Variants in GABRA3 observed in about 807,000 individuals in gnomAD.
GABRA3 encodes gamma-aminobutyric acid receptor subunit alpha-3.
GABRA3 carries 10 observed loss-of-function variants against 30.1 expected under a neutral mutation model. That is an observed-to-expected ratio of 0.33 (90% confidence interval 0.20 to 0.56). The LOEUF is 0.56. Ranked by LOEUF, GABRA3 falls within the 20% of genes least tolerant of loss-of-function variation. The pLI is 0.89. For missense variants in GABRA3, 233 were observed against 392.0 expected (o/e 0.59, Z 3.42); for synonymous variants, 151 against 146.8 (o/e 1.03, Z -0.21).
At chrX:152,359,500 G>T (rs1928419117) in intron 2 of GABRA3, among the ~76,000 whole-genome samples, 1 of 110,470 alleles carries the variant, frequency 9.1e-6, no homozygotes, top group Admixed American at 9.7e-5. Context: ...TTCTTTCAAA[G>T]AACACACTCC....
chrX:152,429,710 C>T (rs944992076), intron 1 of GABRA3, among the ~76,000 whole-genome samples: 5 of 112,053 alleles, frequency 4.5e-5, no homozygotes, highest in African/African-American at 1.6e-4. Flanking sequence ...AACTTCTTCA[C>T]ACTCCTGTCT....
chrX:152,375,238 A>T (rs878928294), intron 1 of GABRA3, among the ~76,000 whole-genome samples: 1 of 112,091 alleles, frequency 8.9e-6, no homozygotes, highest in Admixed American at 9.5e-5. Flanking sequence ...CTACAAGGCT[A>T]CAATAACCAA....
chrX:152,197,951 T>G (rs1026305672), intron 7 of GABRA3, among the ~76,000 whole-genome samples, 166 bp from the exon 8 acceptor site: 7 of 111,681 alleles, frequency 6.3e-5, no homozygotes, highest in Admixed American at 9.5e-5. Flanking sequence ...AGTGTGTTTT[T>G]TGTGTGTGTG....
At chrX:152,292,622 T>C (rs1939443062) in intron 3 of GABRA3, among the ~76,000 whole-genome samples, 1 of 111,656 alleles carries the variant, frequency 9.0e-6, no homozygotes, top group Non-Finnish European at 1.9e-5. Flanking sequence ...GCTTCTCTAG[T>C]TCTTTTAATT....
rs907371920 is a variant in GABRA3, at chrX:152,407,972, A to G, written c.-27+43174T>C. Reference sequence around the variant, plus strand: ...ATCAATAGAATGAAGGACAAAAACCATATGATCATTTCAAATGATGTCAAA... The same window carrying G: ...ATCAATAGAATGAAGGACAAAAACCGTATGATCATTTCAAATGATGTCAAA... On this transcript the variant is annotated intron_variant, in intron 1 of 9. Transcript: ENST00000370314. Among the ~76,000 whole-genome samples the G allele has an allele frequency of 6.3e-5, 7 of 111,946 alleles. 1 individual carries two copies. The East Asian group carries it at 1.4e-3, about 22-fold the overall frequency.
intron 3 of GABRA3, among the ~76,000 whole-genome samples, chrX:152,334,450 T>A (rs953496479): frequency 1.8e-4 from 20 of 112,134 alleles, no homozygotes; most frequent in African/African-American, 6.5e-4. Flanking sequence ...CATTTAAGCA[T>A]ATTATCTAAT....
At chrX:152,340,827 G>A (rs1940303070) in intron 3 of GABRA3, among the ~76,000 whole-genome samples, 2 of 111,414 alleles carry the variant, frequency 1.8e-5, no homozygotes, top group South Asian at 3.7e-4. Context: ...TGGAGTTGTT[G>A]ACTTTCTTGG....
At chrX:152,237,643 C>G (rs1403891344) in intron 5 of GABRA3, among the ~76,000 whole-genome samples, 2 of 107,650 alleles carry the variant, frequency 1.9e-5, no homozygotes, top group Non-Finnish European at 3.8e-5. Context: ...GAATATTCTT[C>G]CATTTGTATC....
intron 3 of GABRA3, 51 bp downstream of exon 3, chrX:152,345,530 T>C (rs1940377868): frequency 8.6e-7 from 1 of 1,167,443 alleles, no homozygotes. Flanking sequence ...TAGATAACAA[T>C]GGCCAAGAAG....
At chrX:152,442,436 T>C (rs1269823200) in intron 1 of GABRA3, among the ~76,000 whole-genome samples, 1 of 108,662 alleles carries the variant, frequency 9.2e-6, no homozygotes, top group Non-Finnish European at 1.9e-5. Context: ...TTTATAATAA[T>C]AAATTTCAGC....
intron 1 of GABRA3, among the ~76,000 whole-genome samples, chrX:152,382,251 A>G (rs189661156): frequency 8.9e-6 from 1 of 112,364 alleles, no homozygotes; most frequent in East Asian, 2.8e-4. Flanking sequence ...ACCAGTCAGA[A>G]TGGCGATCAT....
At chrX:152,431,899 C>G (rs1434539533) in intron 1 of GABRA3, among the ~76,000 whole-genome samples, 2 of 111,707 alleles carry the variant, frequency 1.8e-5, no homozygotes, top group Non-Finnish European at 3.8e-5. Context: ...AAAAGGAACA[C>G]AGCCCTGCCA....
chrX:152,432,063 G>T (rs370879836), intron 1 of GABRA3, among the ~76,000 whole-genome samples: 1 of 111,555 alleles, frequency 9.0e-6, no homozygotes. Flanking sequence ...CACTGATATG[G>T]TCATAATAAC....
chrX:152,228,228 G>C (rs1214481762), intron 5 of GABRA3, among the ~76,000 whole-genome samples: 1 of 111,807 alleles, frequency 8.9e-6, no homozygotes, highest in Non-Finnish European at 1.9e-5. Flanking sequence ...AGGAGGGCAA[G>C]AAGATCAGAC....
At chrX:152,394,485 G>T (rs749070207) in intron 1 of GABRA3, 3 of 387,186 alleles carry the variant, frequency 7.7e-6, no homozygotes, top group Non-Finnish European at 1.6e-5. Context: ...ATTTGACCAC[G>T]ATGCACACAC....
At chrX:152,263,059 G>A (rs1170675978) in intron 4 of GABRA3, among the ~76,000 whole-genome samples, 1 of 111,141 alleles carries the variant, frequency 9.0e-6, no homozygotes, top group African/African-American at 3.3e-5. Context: ...AGGGGGAAAA[G>A]CCCCTTATAT....
At chrX:152,349,199 C>A (rs917216939) in intron 2 of GABRA3, among the ~76,000 whole-genome samples, 2 of 110,357 alleles carry the variant, frequency 1.8e-5, no homozygotes, top group Non-Finnish European at 3.8e-5. Flanking sequence ...ATCAAGAAAT[C>A]ACTCTCATTG....
chrX:152,261,467 A>G (rs1938727935), intron 4 of GABRA3, among the ~76,000 whole-genome samples: 1 of 112,332 alleles, frequency 8.9e-6, no homozygotes, highest in African/African-American at 3.2e-5. Flanking sequence ...CAATGGGGGT[A>G]CAGGCATTGG....
intron 7 of GABRA3, among the ~76,000 whole-genome samples, chrX:152,206,051 G>A (rs999311549): frequency 1.8e-5 from 2 of 112,906 alleles, no homozygotes. Flanking sequence ...AAGTGGGAGT[G>A]GGGTCTGATT....
Sources: gnomAD v4.1 joint callset for allele counts (sites outside exome capture counted in the v4.1 genomes callset) on GRCh38, gnomAD v4.1.1 for gene constraint, MANE v1.5 for transcripts, NCBI Gene and HGNC (gene_info 2026-07-23, HGNC 2026-07-21) for gene names.